Variants in CYRIB observed in about 807,000 individuals in gnomAD.
CYRIB encodes CYFIP related Rac1 interactor B.
CYRIB carries 8 observed loss-of-function variants against 44.2 expected under a neutral mutation model. That is an observed-to-expected ratio of 0.18 (90% CI 0.11 to 0.33). The LOEUF (loss-of-function observed/expected upper bound fraction) is 0.33. Ranked by LOEUF, CYRIB falls within the 10% of genes least tolerant of loss-of-function variation. The pLI is 1.00. For synonymous variants in CYRIB, 131 were observed against 127.2 expected, an observed-to-expected ratio of 1.03 and a Z score of -0.20; for missense variants, 185 against 382.8, an observed-to-expected ratio of 0.48 and a Z score of 4.31.
chr8:129,994,219 C>G (rs1266439271), intron 1 of CYRIB, among the ~76,000 whole-genome samples: 1 of 152,142 alleles, frequency 6.6e-6, no homozygotes, highest in Non-Finnish European at 1.5e-5. Context: ...CAGACGGTGT[C>G]ACACCTGCAA....
At chr8:129,900,591 A>G (rs1322423344) in intron 2 of CYRIB, among the ~76,000 whole-genome samples, 1 of 152,196 alleles carries the variant, frequency 6.6e-6, no homozygotes, top group East Asian at 1.9e-4. Context: ...AAACACAATT[A>G]TCAGAGCACT....
chr8:129,868,737 C>T (rs1202264687), intron 4 of CYRIB: 1 of 151,954 alleles, frequency 6.6e-6, no homozygotes, highest in Non-Finnish European at 1.5e-5. Flanking sequence ...TTTTCTACCA[C>T]TATACTCTAT....
intron 6 of CYRIB, among the ~76,000 whole-genome samples, chr8:129,854,837 C>T (rs1483140934): frequency 1.3e-5 from 2 of 152,160 alleles, no homozygotes; most frequent in African/African-American, 4.8e-5. Context: ...ACTAGGGTTA[C>T]TGTGGCAGAG....
chr8:129,986,964 C>T (rs2096477191), intron 1 of CYRIB, among the ~76,000 whole-genome samples: 1 of 152,174 alleles, frequency 6.6e-6, no homozygotes, highest in South Asian at 2.1e-4. Context: ...AAGCACGGAA[C>T]CTCCAGAACC....
At chr8:129,998,132 A>AC (rs1488874076) in intron 1 of CYRIB, among the ~76,000 whole-genome samples, 2 of 151,320 alleles carry the variant, frequency 1.3e-5, no homozygotes, top group South Asian at 4.2e-4. Flanking sequence ...AAAAAAAAAA[A>AC]AAAAAACAAA....
At chr8:129,925,163 C>T (rs1275434434) in intron 1 of CYRIB, among the ~76,000 whole-genome samples, 2 of 151,982 alleles carry the variant, frequency 1.3e-5, no homozygotes, top group Non-Finnish European at 2.9e-5. Context: ...TTTGGGAGGC[C>T]GAGGAAGATG....
At chr8:129,984,539 G>A (rs996988807) in intron 1 of CYRIB, among the ~76,000 whole-genome samples, 2 of 152,124 alleles carry the variant, frequency 1.3e-5, no homozygotes, top group Admixed American at 6.5e-5. Context: ...AGGAACACTG[G>A]GCTCTAGGGC....
chr8:129,955,750 T>C (rs528903639), intron 2 of CYRIB, among the ~76,000 whole-genome samples: 2 of 152,330 alleles, frequency 1.3e-5, no homozygotes, highest in East Asian at 3.9e-4. Flanking sequence ...CAAAGCGGTG[T>C]TGATGGATGA....
chr8:129,989,148 A>T (rs1266172873), intron 1 of CYRIB, among the ~76,000 whole-genome samples: 1 of 152,178 alleles, frequency 6.6e-6, no homozygotes, highest in Non-Finnish European at 1.5e-5. Flanking sequence ...CAAGAATGGA[A>T]GCCACAGAGA....
chr8:129,977,317 C>T (rs2095976303), intron 1 of CYRIB, among the ~76,000 whole-genome samples: 1 of 152,186 alleles, frequency 6.6e-6, no homozygotes, highest in South Asian at 2.1e-4. Flanking sequence ...CTCTGTATGG[C>T]TCACACATGA....
chr8:129,917,638 C>G (rs555145549), intron 1 of CYRIB, among the ~76,000 whole-genome samples: 1 of 152,242 alleles, frequency 6.6e-6, no homozygotes, highest in Admixed American at 6.5e-5. Flanking sequence ...GCGGGCGGAT[C>G]ATGAGGTCAG....
chr8:129,894,014 T>C (rs930148588), intron 2 of CYRIB, among the ~76,000 whole-genome samples: 2 of 152,248 alleles, frequency 1.3e-5, no homozygotes, highest in Non-Finnish European at 2.9e-5. Context: ...ATTATTAATA[T>C]GTTCATTGTA....
chr8:129,972,761 C>CCA (rs368688780), intron 1 of CYRIB, among the ~76,000 whole-genome samples: 43 of 151,424 alleles, frequency 2.8e-4, no homozygotes, highest in African/African-American at 1.0e-3. Flanking sequence ...CACATGCACA[C>CCA]CACACACACA....
intron 5 of CYRIB, among the ~76,000 whole-genome samples, chr8:129,856,403 A>G (rs1250539125): frequency 1.3e-5 from 2 of 152,212 alleles, no homozygotes; most frequent in Admixed American, 1.3e-4. Context: ...CATGTTTGAT[A>G]ATGGAAATAC....
chr8:129,938,329 G>A (rs987765295), intron 1 of CYRIB, among the ~76,000 whole-genome samples: 1 of 152,100 alleles, frequency 6.6e-6, no homozygotes, highest in Non-Finnish European at 1.5e-5. Flanking sequence ...AATAATTTGC[G>A]ATAGTAAGTC....
intron 1 of CYRIB, among the ~76,000 whole-genome samples, chr8:129,986,135 C>T (rs1424776779): frequency 1.3e-5 from 2 of 152,206 alleles, no homozygotes; most frequent in Non-Finnish European, 2.9e-5. Flanking sequence ...TTCTGGCCAT[C>T]ACCCCTGAGC....
chr8:129,909,262 C>CT (rs1386351018), intron 1 of CYRIB, among the ~76,000 whole-genome samples: 12 of 152,012 alleles, frequency 7.9e-5, no homozygotes, highest in African/African-American at 1.2e-4. Context: ...TTTGTAGAGT[C>CT]TAAAAAGTTT....
intron 2 of CYRIB, among the ~76,000 whole-genome samples, chr8:129,892,011 T>C (rs985578934): frequency 4.6e-5 from 7 of 152,198 alleles, no homozygotes. Flanking sequence ...CAAAGATTAC[T>C]GGCACTCTTC....
At chr8:129,939,348 G>A (rs1019285459) in intron 1 of CYRIB, among the ~76,000 whole-genome samples, 2 of 151,698 alleles carry the variant, frequency 1.3e-5, no homozygotes, top group Admixed American at 6.6e-5. Flanking sequence ...GCGCGTGGAG[G>A]TGCCAATGGA....
Sources: gnomAD v4.1 joint callset for allele counts (sites outside exome capture counted in the v4.1 genomes callset) on GRCh38, gnomAD v4.1.1 for gene constraint, MANE v1.5 for transcripts, NCBI Gene and HGNC (gene_info 2026-07-23, HGNC 2026-07-21) for gene names.